The following IL15 variants were observed in gnomAD, a reference collection of about 807,000 sequenced individuals.
IL15 encodes interleukin 15.
IL15 carries 11 observed loss-of-function variants against 19.6 expected under a neutral mutation model. The observed-to-expected ratio is 0.56, with a 90% CI of 0.35 to 0.93. The LOEUF is 0.93. Among genes scored for constraint, IL15 ranks in the 40% least tolerant of loss-of-function variants. The probability of loss-of-function intolerance (pLI) is 0.01; values close to 1 mark genes in which losing one functional copy is unlikely to be tolerated. For synonymous variants in IL15, 58 were observed against 59.6 expected (o/e 0.97, Z 0.12); for missense variants, 197 against 186.5 (o/e 1.06, Z -0.33).
chr4:141,672,024 C>A (rs543157446), intron 2 of IL15, among the ~76,000 whole-genome samples: 143 of 152,196 alleles, frequency 9.4e-4, no homozygotes, highest in African/African-American at 3.3e-3. Context: ...AACAGTTGTA[C>A]TTATTTTGTT....
At chr4:141,651,692 G>A (rs1252564245) in intron 1 of IL15, among the ~76,000 whole-genome samples, 7 of 151,470 alleles carry the variant, frequency 4.6e-5, no homozygotes, top group East Asian at 1.9e-4. Context: ...ATTCCAACCC[G>A]GATGATATAC....
At chr4:141,658,818 C>T (rs1191717155) in intron 2 of IL15, among the ~76,000 whole-genome samples, 1 of 151,540 alleles carries the variant, frequency 6.6e-6, no homozygotes, top group East Asian at 1.9e-4. Flanking sequence ...CTGAAACTTA[C>T]CCCTTAACTT....
chr4:141,730,862 A>G (rs1380275103), intron 7 of IL15, among the ~76,000 whole-genome samples: 1 of 152,194 alleles, frequency 6.6e-6, no homozygotes, highest in Non-Finnish European at 1.5e-5. Flanking sequence ...AGGAGACAGT[A>G]TGAAAAAATA....
At chr4:141,724,710 C>A (rs1730201636) in intron 5 of IL15, among the ~76,000 whole-genome samples, 1 of 151,952 alleles carries the variant, frequency 6.6e-6, no homozygotes, top group Non-Finnish European at 1.5e-5. Flanking sequence ...AGGAAATGGA[C>A]CAATTCTTCA....
chr4:141,684,592 G>A (rs982330250), intron 2 of IL15, among the ~76,000 whole-genome samples: 8 of 152,004 alleles, frequency 5.3e-5, no homozygotes, highest in Non-Finnish European at 1.2e-4. Context: ...TCATTCAGTG[G>A]CACCTCTTAG....
chr4:141,720,637 A>G, intron 4 of IL15, 71 bp downstream of exon 4: 3 of 894,176 alleles, frequency 3.4e-6, no homozygotes, highest in East Asian at 2.4e-5. Flanking sequence ...TATATTTTCC[A>G]TTAAATTAGT....
intron 2 of IL15, among the ~76,000 whole-genome samples, chr4:141,673,277 C>T (rs539424145): frequency 6.6e-6 from 1 of 152,276 alleles, no homozygotes. Flanking sequence ...AAAAAACATA[C>T]AATGACCTAT....
rs56111938 is a variant in IL15 at position 141,730,499 on chromosome 4, G to A, written c.378+515G>A. Among the ~76,000 whole-genome samples, 640 of 152,218 alleles carry A rather than the reference G, an allele frequency of 4.2e-3. 6 individuals are homozygous for A. Among genetic ancestry groups the A allele is most frequent in the African/African-American group, 0.015 (619 of 41,538 alleles). ...CTGAGAGCCTGGATCACTCGCTTCA[G>A]TTCATACAGCTAGTAAAATGGGGAG... On this transcript the variant is annotated intron_variant, in intron 7 of 7. Coordinates refer to ENST00000320650, the MANE Select transcript of IL15 (RefSeq NM_000585.5).
intron 2 of IL15, among the ~76,000 whole-genome samples, chr4:141,698,686 C>G (rs550975056): frequency 6.6e-6 from 1 of 152,134 alleles, no homozygotes; most frequent in African/African-American, 2.4e-5. Context: ...TGTAATATCT[C>G]TTGTTTCATT....
intron 4 of IL15, chr4:141,720,888 G>A (rs557681465): frequency 1.9e-6 from 1 of 532,606 alleles, no homozygotes; most frequent in African/African-American, 1.9e-5. Context: ...TAGATATTTA[G>A]AATTTGCTTA....
rs1161513079 is a variant in IL15 at position 141,670,967 on chromosome 4, A to G, written c.-100+14660A>G. Among the ~76,000 whole-genome samples, 8 of 152,210 alleles carry G rather than the reference A, an allele frequency of 5.3e-5. No homozygotes were observed. In the South Asian group the frequency reaches 8.3e-4, roughly 16 times the overall value. ...TCTGGGCTCATGTATGCATTGCACA[A>G]TGGGGTGAGTTGTGTATATATCACA... On this transcript the variant is annotated intron_variant, in intron 2 of 7. Transcript: ENST00000320650.
intron 2 of IL15, among the ~76,000 whole-genome samples, chr4:141,711,894 G>T (rs1402106526): frequency 6.6e-6 from 1 of 152,000 alleles, no homozygotes; most frequent in African/African-American, 2.4e-5. Context: ...CCTTGAAGAT[G>T]AATTCTCTTG....
At chr4:141,709,157 T>C (rs570341825) in intron 2 of IL15, among the ~76,000 whole-genome samples, 1 of 152,100 alleles carries the variant, frequency 6.6e-6, no homozygotes, top group East Asian at 1.9e-4. Flanking sequence ...ATACTATTAA[T>C]TTTTTGGTTT....
rs538612235 is a variant in IL15 at position 141,708,181 on chromosome 4, G to A, written c.-99-11185G>A. 1.5e-3 allele frequency among the ~76,000 whole-genome samples: 226 copies of A among 152,296 alleles called. 1 individual carries two copies. The highest frequency in any genetic ancestry group is 5.2e-3 in the African/African-American group (216 of 41,572). On this transcript the variant is annotated intron_variant, in intron 2 of 7. Coordinates refer to ENST00000320650, the MANE Select transcript of IL15 (RefSeq NM_000585.5). Reference sequence around the variant, plus strand: ...TTGGTAACATGGCTAGTGGCTGTTTGGAAGCTTCCCTGCTGTGCATATCTG... The same window carrying A: ...TTGGTAACATGGCTAGTGGCTGTTTAGAAGCTTCCCTGCTGTGCATATCTG...
intron 2 of IL15, among the ~76,000 whole-genome samples, chr4:141,662,256 T>C (rs111866979): frequency 0.017 from 2,520 of 152,340 alleles, 42 homozygotes; most frequent in Admixed American, 0.053. Flanking sequence ...TTGTTGACTT[T>C]TTCTTTTACT....
At chr4:141,679,140 A>G (rs1190438900) in intron 2 of IL15, among the ~76,000 whole-genome samples, 1 of 152,202 alleles carries the variant, frequency 6.6e-6, no homozygotes, top group Non-Finnish European at 1.5e-5. Flanking sequence ...TATGAAACAA[A>G]GTCCAACTTT....
At chr4:141,639,831 G>T (rs1351649591) in intron 1 of IL15, among the ~76,000 whole-genome samples, 1 of 152,160 alleles carries the variant, frequency 6.6e-6, no homozygotes, top group Non-Finnish European at 1.5e-5. Context: ...CTATAGGAAT[G>T]GGTTGGATGG....
At chr4:141,647,282 A>G (rs1422973268) in intron 1 of IL15, among the ~76,000 whole-genome samples, 5 of 152,100 alleles carry the variant, frequency 3.3e-5, no homozygotes, top group Non-Finnish European at 7.4e-5. Context: ...GATATATATT[A>G]CAGCTAACAC....
At chr4:141,652,308 A>G (rs2152156634) in intron 1 of IL15, among the ~76,000 whole-genome samples, 1 of 152,212 alleles carries the variant, frequency 6.6e-6, no homozygotes, top group East Asian at 1.9e-4. Flanking sequence ...TGTACAGCCC[A>G]AGTGGAGAAG....
Sources: allele counts gnomAD v4.1 joint callset (sites outside exome capture counted in the v4.1 genomes callset), GRCh38; gene constraint gnomAD v4.1.1; transcripts MANE v1.5; gene names NCBI Gene and HGNC (gene_info 2026-07-23, HGNC 2026-07-21).